UBXN2A: variants seen among roughly 807,000 people sequenced by gnomAD.
UBXN2A encodes UBX domain-containing protein 2A.
Under a neutral mutation model 28.4 loss-of-function variants are expected in UBXN2A, and 28 were observed. That is an observed-to-expected ratio of 0.99 (90% CI 0.73 to 1.35). The LOEUF (loss-of-function observed/expected upper bound fraction) is 1.35, where lower values mean the gene tolerates loss of function less well. Ranked by LOEUF, UBXN2A falls within the 40% of genes most tolerant of loss-of-function variation. UBXN2A has a pLI of 0.00. For missense variants in UBXN2A, 253 were observed against 297.9 expected (o/e 0.85, Z 1.11); for synonymous variants, 97 against 103.6 (o/e 0.94, Z 0.39).
chr2:23,928,815 A>C (rs990292018), intron 1 of UBXN2A, among the ~76,000 whole-genome samples: 1 of 152,198 alleles, frequency 6.6e-6, no homozygotes, highest in Non-Finnish European at 1.5e-5. Context: ...GGATTCCAGA[A>C]TAGATAAATC....
At chr2:23,982,788 A>G (rs1279473856) in intron 4 of UBXN2A, 108 bp from the exon 5 acceptor site, 14 of 1,170,492 alleles carry the variant, frequency 1.2e-5, no homozygotes, top group Admixed American at 5.8e-5. Context: ...ATAGAATATT[A>G]TATATTTCTG....
At chr2:23,996,878 T>C (rs910363272) in intron 6 of UBXN2A, 2 of 150,136 alleles carry the variant, frequency 1.3e-5, no homozygotes, top group African/African-American at 4.9e-5. Context: ...AGCACAGGAG[T>C]TTTTACTTGC....
upstream of UBXN2A, among the ~76,000 whole-genome samples, chr2:23,939,172 T>C (rs1705629140): frequency 2.0e-5 from 3 of 152,094 alleles, no homozygotes; most frequent in South Asian, 6.2e-4. Context: ...AAAAGGACTA[T>C]TGCAATAAGG....
chr2:23,933,735 C>A (rs541937509), intron 1 of UBXN2A, among the ~76,000 whole-genome samples: 1 of 150,238 alleles, frequency 6.7e-6, no homozygotes, highest in South Asian at 2.1e-4. Context: ...AGAAAAAAAA[C>A]AAAAACAGAA....
intron 1 of UBXN2A, among the ~76,000 whole-genome samples, chr2:23,935,424 G>C (rs932320619): frequency 2.0e-5 from 3 of 151,992 alleles, no homozygotes; most frequent in Non-Finnish European, 2.9e-5. Flanking sequence ...TTGAAAATTC[G>C]CAAGGAGTTA....
At chr2:23,934,857 T>A (rs1300494439) in intron 1 of UBXN2A, among the ~76,000 whole-genome samples, 3 of 152,102 alleles carry the variant, frequency 2.0e-5, no homozygotes, top group Non-Finnish European at 4.4e-5. Flanking sequence ...GCAGATCACC[T>A]GAGGTCAAGA....
Position 23,959,179 on chromosome 2 carries a change from T to A in UBXN2A, c.41+824T>A, listed in dbSNP as rs188930612. Reference sequence around the variant, plus strand: ...GGTATTTATAGGCTTATATAAATATTTGATGCTAATTATATAATTGTGAGG... The same window carrying A: ...GGTATTTATAGGCTTATATAAATATATGATGCTAATTATATAATTGTGAGG... On this transcript the variant is annotated intron_variant, in intron 2 of 6. Coordinates refer to ENST00000309033, the MANE Select transcript of UBXN2A (RefSeq NM_181713.4). Among the ~76,000 whole-genome samples, 6 of 152,272 alleles carry A rather than the reference T, an allele frequency of 3.9e-5. No individual in the cohort carries two copies. The East Asian group carries it at 1.2e-3, about 29-fold the overall frequency.
At chr2:23,927,720 G>A (rs2150772760) in intron 1 of UBXN2A, 1 of 152,062 alleles carries the variant, frequency 6.6e-6, no homozygotes, top group Admixed American at 6.6e-5. Flanking sequence ...CAGATCTAAG[G>A]CGGAGCCAAA....
At chr2:23,957,773 G>A (rs1054720096) in intron 1 of UBXN2A, among the ~76,000 whole-genome samples, 2 of 152,196 alleles carry the variant, frequency 1.3e-5, no homozygotes, top group African/African-American at 2.4e-5. Context: ...GATGGAGGTT[G>A]TGGTGAGCCG....
At chr2:23,971,909 G>T (rs1461774137) in intron 3 of UBXN2A, among the ~76,000 whole-genome samples, 1 of 151,706 alleles carries the variant, frequency 6.6e-6, no homozygotes, top group Non-Finnish European at 1.5e-5. Flanking sequence ...AACCAGTCTG[G>T]GCAATAAAGC....
intron 1 of UBXN2A, among the ~76,000 whole-genome samples, chr2:23,929,651 T>G (rs1260982741): frequency 1.3e-5 from 2 of 151,242 alleles, no homozygotes; most frequent in Non-Finnish European, 2.9e-5. Flanking sequence ...AGGCGGAGGT[T>G]GCAGTGAGCT....
At chr2:23,936,069 TAATA>T (rs1000180223), upstream of UBXN2A, among the ~76,000 whole-genome samples, 4 of 151,806 alleles carry the variant, frequency 2.6e-5, no homozygotes, top group South Asian at 2.1e-4. Context: ...TAAATTAAAT[TAATA>T]AATAAATATT....
At chr2:23,962,474 C>T (rs1045560023) in intron 2 of UBXN2A, among the ~76,000 whole-genome samples, 6 of 152,112 alleles carry the variant, frequency 3.9e-5, no homozygotes, top group African/African-American at 1.4e-4. Context: ...ATATCAGATA[C>T]TCCTACAACT....
At chr2:23,940,348 A>G (rs1449632017), upstream of UBXN2A, 1 of 151,662 alleles carries the variant, frequency 6.6e-6, no homozygotes, top group African/African-American at 2.4e-5. Flanking sequence ...GGAGGCGGCC[A>G]TTAGCGCCGT....
intron 6 of UBXN2A, among the ~76,000 whole-genome samples, chr2:23,995,267 A>G (rs1232521672): frequency 1.3e-5 from 2 of 151,900 alleles, no homozygotes; most frequent in African/African-American, 4.8e-5. Context: ...GCCCTCAGTG[A>G]AAAAACCAGT....
intron 2 of UBXN2A, among the ~76,000 whole-genome samples, chr2:23,967,153 C>T (rs1283087082): frequency 1.3e-5 from 2 of 152,114 alleles, no homozygotes; most frequent in Non-Finnish European, 2.9e-5. Context: ...CTACCCTGAA[C>T]CTCTTATAAA....
intron 1 of UBXN2A, among the ~76,000 whole-genome samples, chr2:23,931,038 G>T (rs910623946): frequency 6.6e-6 from 1 of 152,060 alleles, no homozygotes; most frequent in South Asian, 2.1e-4. Flanking sequence ...ATGGTGGCGG[G>T]CACCTGTAAT....
At chr2:23,982,252 A>AGCTACTTAGGAG in intron 4 of UBXN2A, among the ~76,000 whole-genome samples, 1 of 152,036 alleles carries the variant, frequency 6.6e-6, no homozygotes, top group East Asian at 1.9e-4. Context: ...CTGTAGTCCC[A>AGCTACTTAGGAG]GCTACTTAGG....
chr2:23,995,380 C>T (rs140295402), intron 6 of UBXN2A, among the ~76,000 whole-genome samples: 35 of 152,134 alleles, frequency 2.3e-4, no homozygotes, highest in African/African-American at 8.4e-4. Context: ...TATGTTTAGA[C>T]GCTCCTTGAC....
Sources: gnomAD v4.1 joint callset for allele counts (sites outside exome capture counted in the v4.1 genomes callset) on GRCh38, gnomAD v4.1.1 for gene constraint, MANE v1.5 for transcripts, NCBI Gene and HGNC (gene_info 2026-07-23, HGNC 2026-07-21) for gene names.